SHE: variants seen among roughly 807,000 people sequenced by gnomAD.
The protein encoded by SHE is Src homology 2 domain containing E.
A neutral mutation model predicts 49.8 loss-of-function variants in SHE; 11 were observed. The ratio of observed to expected loss-of-function variants is 0.22; its 90% CI spans 0.14 to 0.37. SHE has a LOEUF of 0.37. SHE is among the 10% of genes least tolerant of loss of function. SHE has a pLI of 1.00. For synonymous variants in SHE, 310 were observed against 278.1 expected (o/e 1.11, Z -1.14); for missense variants, 624 against 655.5 (o/e 0.95, Z 0.52).
At chr1:154,479,202 G>A (rs2149288529), downstream of SHE, among the ~76,000 whole-genome samples, 1 of 152,264 alleles carries the variant, frequency 6.6e-6, no homozygotes, top group South Asian at 2.1e-4. Flanking sequence ...ATGAGAACCA[G>A]TGCACTAACT....
intron 2 of SHE, among the ~76,000 whole-genome samples, chr1:154,495,322 T>C (rs1692492415): frequency 6.6e-6 from 1 of 152,256 alleles, no homozygotes. Context: ...TTAGTTAAAA[T>C]GTTCCTGTGA....
intron 2 of SHE, among the ~76,000 whole-genome samples, chr1:154,494,907 C>A (rs1253421288): frequency 6.6e-6 from 1 of 152,072 alleles, no homozygotes; most frequent in Non-Finnish European, 1.5e-5. Flanking sequence ...CGAAAATTAG[C>A]CAGGTGTGGT....
chr1:154,499,433 T>A (rs561078943), intron 1 of SHE, among the ~76,000 whole-genome samples, 195 bp from the exon 2 acceptor site: 2 of 152,198 alleles, frequency 1.3e-5, no homozygotes, highest in African/African-American at 4.8e-5. Flanking sequence ...ACAGTTGATT[T>A]GCAACAATTC....
At position 154,481,884 on chromosome 1, in the gene SHE, C is replaced by CT. The variant is rs1482774700; in HGVS notation, c.*2264dup. The stretch of plus-strand genomic sequence containing the variant: ...TTGCTTGTTGAGACAGGGTCTCACT[C>CT]TGTCACTCAGGCTGGAGTGCAATGG... On this transcript the variant is annotated 3_prime_UTR_variant, in exon 6 of 6. Transcript: ENST00000304760. 1 of 786,630 alleles carries CT rather than the reference C, an allele frequency of 1.3e-6. No individual in the cohort carries two copies. Among genetic ancestry groups the CT allele is most frequent in the African/African-American group, 1.9e-5 (1 of 53,330 alleles). The allele number at this position is 786,630 out of a possible 1,614,324, so 48.7% of individuals were successfully genotyped here.
downstream of SHE, among the ~76,000 whole-genome samples, chr1:154,478,354 C>A (rs1691934189): frequency 6.7e-6 from 1 of 150,084 alleles, no homozygotes; most frequent in Non-Finnish European, 1.5e-5. Flanking sequence ...ACTCCCAAGG[C>A]CAGGCTGTGC....
intron 5 of SHE, 197 bp downstream of exon 5, chr1:154,485,746 T>C: frequency 1.9e-6 from 1 of 540,272 alleles, no homozygotes; most frequent in Non-Finnish European, 3.3e-6. Context: ...TCATAATAGA[T>C]AATGGAGGCA....
chr1:154,483,892 G>C lies in SHE; in HGVS notation c.*257C>G. On this transcript the variant is annotated 3_prime_UTR_variant, in exon 6 of 6. Coordinates refer to ENST00000304760, the MANE Select transcript of SHE (RefSeq NM_001010846.3). ...GCGAACCTATAGTCCCACCTACTTG[G>C]GAGGCTGATGGGGAAGAACTGCTTG... is the stretch of plus-strand genomic sequence containing the variant. 9.1e-7 allele frequency: 1 copy of C among 1,095,542 alleles called. No homozygotes were observed. The highest frequency in any genetic ancestry group is 1.2e-6 in the Non-Finnish European group (1 of 848,506). 67.9% of individuals were successfully genotyped at this position (1,095,542 alleles called of 1,614,324 possible). A position where few individuals can be genotyped will look rare whatever the true frequency, so the allele number is the denominator to read the frequency against.
In SHE at chr1:154,483,962, C is replaced by T. The variant is rs1372287990; in HGVS notation, c.*187G>A. 2.2e-6 allele frequency: 3 copies of T among 1,388,624 alleles called. No homozygotes were observed. Among genetic ancestry groups the T allele is most frequent in the Admixed American group, 3.0e-5 (1 of 33,194 alleles). 86.0% of individuals were successfully genotyped at this position (1,388,624 alleles called of 1,614,324 possible). A position where few individuals can be genotyped will look rare whatever the true frequency, so the allele number is the denominator to read the frequency against. On this transcript the variant is annotated 3_prime_UTR_variant, in exon 6 of 6. Transcript: ENST00000304760. ...GCAGTGAGCCAAGATTGCGCCATTGCACTCCAGCCTGGGCAACACAGCGAG... is the reference window on the plus strand; with the variant it reads ...GCAGTGAGCCAAGATTGCGCCATTGTACTCCAGCCTGGGCAACACAGCGAG...
chr1:154,481,889 A>T lies in SHE; in HGVS notation c.*2260T>A. 1 of 759,854 alleles carries T rather than the reference A, an allele frequency of 1.3e-6. No homozygotes were observed. The highest frequency in any genetic ancestry group is 6.0e-5 in the South Asian group (1 of 16,656). The allele number at this position is 759,854 out of a possible 1,614,324, so 47.1% of individuals were successfully genotyped here. On this transcript the variant is annotated 3_prime_UTR_variant, in exon 6 of 6. Transcript: ENST00000304760. ...TGTTGAGACAGGGTCTCACTCTGTC[A>T]CTCAGGCTGGAGTGCAATGGTGCGA...
chr1:154,476,036 C>G (rs1691868958), downstream of SHE, among the ~76,000 whole-genome samples: 1 of 152,218 alleles, frequency 6.6e-6, no homozygotes, highest in Non-Finnish European at 1.5e-5. Context: ...GAATGTTTCT[C>G]TTGCAAGTAC....
At chr1:154,491,767 C>T (rs886601983) in intron 2 of SHE, among the ~76,000 whole-genome samples, 15 of 152,018 alleles carry the variant, frequency 9.9e-5, no homozygotes, top group African/African-American at 2.4e-4. Flanking sequence ...TGGAGGAATA[C>T]GTCAAGGGGT....
In SHE at chr1:154,484,292, C is replaced by T; in HGVS notation, c.1345G>A (p.Asp449Asn). Residue 449 changes from aspartate (D) to asparagine (N), a missense_variant, in exon 6 of 6, where the codon GAC becomes AAC. Around this residue, in one of 4 missense-constraint regions of SHE, gnomAD observed 125 missense variants for 181.7 expected, o/e 0.69. Coordinates refer to ENST00000304760, the MANE Select transcript of SHE (RefSeq NM_001010846.3). ...GTCTGATTCAGTGTGTATTTGTTGT[C>T]TTTGGTCTGAGCCACTATGATGTGG... ...CVHIIVAQTK[D>N]NKYTLNQTSA... is the part of the protein sequence containing the mutation. 6.2e-7 allele frequency: 1 copy of T among 1,614,126 alleles called. No individual in the cohort carries two copies. Among genetic ancestry groups the T allele is most frequent in the East Asian group, 2.2e-5 (1 of 44,880 alleles).
intron 2 of SHE, among the ~76,000 whole-genome samples, chr1:154,494,051 C>T (rs1692449974): frequency 1.3e-5 from 2 of 152,166 alleles, no homozygotes; most frequent in South Asian, 2.1e-4. Context: ...GTGCCTTTTC[C>T]CCTAATCCAT....
At chr1:154,498,346 T>G (rs983190160) in intron 2 of SHE, among the ~76,000 whole-genome samples, 15 of 151,972 alleles carry the variant, frequency 9.9e-5, no homozygotes, top group African/African-American at 3.6e-4. Flanking sequence ...TCCGCCCACC[T>G]TGACCTCCCA....
In SHE at chr1:154,501,849, C is replaced by A. The variant is rs1447071858; in HGVS notation, c.178G>T (p.Gly60Cys). 1.9e-6 allele frequency: 3 copies of A among 1,539,852 alleles called. No homozygotes were observed. Among genetic ancestry groups the A allele is most frequent in the Non-Finnish European group, 2.6e-6 (3 of 1,149,786 alleles). ...TTCTTGCGCAATTTGCCGCCGCCGC[C>A]CCCGGGCTTGGCCCGCTCCGACACG... ...KTVSERAKPG[G>C]GGGKLRKNSE... Residue 60 changes from glycine to cysteine, a missense_variant, in exon 1 of 6, where the codon GGC (glycine) becomes TGC (cysteine). Transcript: ENST00000304760.
Position 154,479,835 on chromosome 1 carries a change from G to A in SHE, c.*4314C>T. 1 of 985,402 alleles carries A rather than the reference G, an allele frequency of 1.0e-6. No homozygotes were observed. The highest frequency in any genetic ancestry group is 1.2e-6 in the Non-Finnish European group (1 of 829,918). The allele number at this position is 985,402 out of a possible 1,614,324, so 61.0% of individuals were successfully genotyped here. ...TCCAGCCTTAGTCCAGGGACCTTGT[G>A]ATGATAGTTGTATTAGACTTCAAAA... On this transcript the variant is annotated 3_prime_UTR_variant, in exon 6 of 6. Coordinates refer to ENST00000304760, the MANE Select transcript of SHE (RefSeq NM_001010846.3).
intron 2 of SHE, among the ~76,000 whole-genome samples, chr1:154,492,316 C>T (rs1338627316): frequency 6.6e-6 from 1 of 152,070 alleles, no homozygotes; most frequent in Non-Finnish European, 1.5e-5. Flanking sequence ...TGTAAAAATC[C>T]CCCAGGTGAT....
chr1:154,472,039 G>A (rs1691757884), intron 1 of SHE, among the ~76,000 whole-genome samples: 1 of 152,108 alleles, frequency 6.6e-6, no homozygotes, highest in Non-Finnish European at 1.5e-5. Context: ...TGGGCATGGT[G>A]GTGGGCGCCT....
At chr1:154,472,604 A>T (rs1571033320) in intron 1 of SHE, among the ~76,000 whole-genome samples, 1 of 152,194 alleles carries the variant, frequency 6.6e-6, no homozygotes, top group Non-Finnish European at 1.5e-5. Context: ...CATCAGAAGG[A>T]GGCCAGGTGC....
Sources: allele counts gnomAD v4.1 joint callset (sites outside exome capture counted in the v4.1 genomes callset), GRCh38; gene constraint gnomAD v4.1.1; regional missense constraint gnomAD v4.1.1; transcripts MANE v1.5; gene names NCBI Gene and HGNC (gene_info 2026-07-23, HGNC 2026-07-21).